The following TMEM182 variants were observed in gnomAD, a reference collection of about 807,000 sequenced individuals.
TMEM182 encodes transmembrane protein 182.
In TMEM182, 20 loss-of-function variants were observed where a neutral mutation model predicts 26.8. The ratio of observed to expected loss-of-function variants is 0.75; its 90% CI spans 0.53 to 1.09. TMEM182 has a LOEUF of 1.09. Ranked by LOEUF, TMEM182 falls within the 50% of genes least tolerant of loss-of-function variation. The probability of loss-of-function intolerance (pLI) is 0.00; values close to 1 mark genes in which losing one functional copy is unlikely to be tolerated. For missense variants in TMEM182, 277 were observed against 275.5 expected, an observed-to-expected ratio of 1.01 and a Z score of -0.04; for synonymous variants, 109 against 102.2, an observed-to-expected ratio of 1.07 and a Z score of -0.40.
At chr2:102,804,320 T>TC (rs1010682314) in intron 4 of TMEM182, among the ~76,000 whole-genome samples, 1 of 151,834 alleles carries the variant, frequency 6.6e-6, no homozygotes, top group Non-Finnish European at 1.5e-5. Flanking sequence ...CTTCTACCCT[T>TC]CCCCCCAAGT....
At chr2:102,783,646 A>G (rs1162793060) in intron 3 of TMEM182, among the ~76,000 whole-genome samples, 4 of 152,138 alleles carry the variant, frequency 2.6e-5, no homozygotes, top group African/African-American at 4.8e-5. Flanking sequence ...GTTGGGTGCA[A>G]TGGTGTGCTC....
At chr2:102,792,947 C>G (rs1055012003) in intron 3 of TMEM182, among the ~76,000 whole-genome samples, 1 of 152,170 alleles carries the variant, frequency 6.6e-6, no homozygotes, top group Admixed American at 6.5e-5. Context: ...CTGTTTCTTC[C>G]TCTGCTTCAT....
At chr2:102,841,231 C>T (rs1020655116) in intron 3 of TMEM182, among the ~76,000 whole-genome samples, 1 of 152,174 alleles carries the variant, frequency 6.6e-6, no homozygotes, top group Non-Finnish European at 1.5e-5. Flanking sequence ...GGCTGGGACT[C>T]CGGCCCAACT....
chr2:102,774,120 A>T (rs1402772226), intron 3 of TMEM182, among the ~76,000 whole-genome samples: 1 of 152,184 alleles, frequency 6.6e-6, no homozygotes, highest in Non-Finnish European at 1.5e-5. Context: ...GTATAAATCT[A>T]TGTAAATAAT....
At chr2:102,760,799 A>G (rs983752068), upstream of TMEM182, among the ~76,000 whole-genome samples, 1 of 151,982 alleles carries the variant, frequency 6.6e-6, no homozygotes, top group African/African-American at 2.4e-5. Flanking sequence ...TATTTTTAGT[A>G]GACATGGGGT....
At chr2:102,834,513 A>G (rs1460495774) in intron 3 of TMEM182, 34 of 852,594 alleles carry the variant, frequency 4.0e-5, no homozygotes, top group Non-Finnish European at 5.6e-6. Flanking sequence ...ATTTCAACAG[A>G]TATAGGTGAG....
chr2:102,776,845 G>A (rs1476490453), intron 3 of TMEM182, among the ~76,000 whole-genome samples: 1 of 152,102 alleles, frequency 6.6e-6, no homozygotes, highest in Non-Finnish European at 1.5e-5. Context: ...TTAGCCATTC[G>A]AATAGGTGTG....
rs753840754 is a variant in TMEM182 at position 102,817,094 on chromosome 2, A to G, written c.*2126A>G. ...ACATTTCTTGATCAATTTACCAGCAACCCTCTGAAGGAATGAAGGAGAGTT... is the reference window on the plus strand; with the variant it reads ...ACATTTCTTGATCAATTTACCAGCAGCCCTCTGAAGGAATGAAGGAGAGTT... On this transcript the variant is annotated 3_prime_UTR_variant, in exon 5 of 5. Transcript: ENST00000412401. The G allele has an allele frequency of 7.1e-4, 700 of 985,322 alleles. 1 individual carries two copies. Among genetic ancestry groups the G allele is most frequent in the Non-Finnish European group, 8.0e-4 (668 of 829,938 alleles). The allele number at this position is 985,322 out of a possible 1,614,324, so 61.0% of individuals were successfully genotyped here. A position where few individuals can be genotyped will look rare whatever the true frequency, so the allele number is the denominator to read the frequency against.
chr2:102,836,041 A>C (rs1683240790), intron 3 of TMEM182, among the ~76,000 whole-genome samples: 1 of 152,172 alleles, frequency 6.6e-6, no homozygotes, highest in South Asian at 2.1e-4. Context: ...TATGCATTGA[A>C]GGTTCCTCCA....
intron 1 of TMEM182, among the ~76,000 whole-genome samples, chr2:102,750,751 T>A (rs1278651096): frequency 2.6e-5 from 4 of 152,232 alleles, no homozygotes; most frequent in African/African-American, 7.2e-5. Context: ...AACCTCTGCA[T>A]GTATTTTTTA....
chr2:102,793,350 C>T (rs926331931), intron 3 of TMEM182, among the ~76,000 whole-genome samples: 2 of 152,162 alleles, frequency 1.3e-5, no homozygotes, highest in African/African-American at 4.8e-5. Context: ...AGAAAACGTT[C>T]CCATGAGAGA....
intron 1 of TMEM182, among the ~76,000 whole-genome samples, chr2:102,750,466 G>A (rs1679845664): frequency 6.6e-6 from 1 of 152,124 alleles, no homozygotes; most frequent in African/African-American, 2.4e-5. Context: ...TAAAGCAAAC[G>A]TACACCTTCC....
At chr2:102,831,056 A>G (rs1230138455) in intron 3 of TMEM182, among the ~76,000 whole-genome samples, 2 of 152,188 alleles carry the variant, frequency 1.3e-5, no homozygotes, top group Non-Finnish European at 2.9e-5. Context: ...TTTATGGCTG[A>G]AGAGTACTCC....
At chr2:102,840,640 T>C (rs958529364) in intron 3 of TMEM182, among the ~76,000 whole-genome samples, 1 of 152,102 alleles carries the variant, frequency 6.6e-6, no homozygotes, top group Non-Finnish European at 1.5e-5. Flanking sequence ...AAAAAGAACA[T>C]TTGACAGACA....
chr2:102,797,303 G>A (rs1681910442), intron 3 of TMEM182, among the ~76,000 whole-genome samples: 1 of 152,106 alleles, frequency 6.6e-6, no homozygotes, highest in Admixed American at 6.5e-5. Context: ...ATTTTTTATT[G>A]CCTTAGACTG....
At chr2:102,744,868 G>T (rs1372140208) in intron 1 of TMEM182, among the ~76,000 whole-genome samples, 1 of 152,042 alleles carries the variant, frequency 6.6e-6, no homozygotes, top group Non-Finnish European at 1.5e-5. Flanking sequence ...AATATGAGAT[G>T]CTTACATGTG....
At chr2:102,749,791 A>G (rs1478561037) in intron 1 of TMEM182, among the ~76,000 whole-genome samples, 2 of 152,268 alleles carry the variant, frequency 1.3e-5, no homozygotes, top group South Asian at 2.1e-4. Flanking sequence ...TTTCAAACAC[A>G]AACTGCCTCT....
intron 3 of TMEM182, among the ~76,000 whole-genome samples, chr2:102,788,986 G>A (rs992972159): frequency 3.3e-5 from 5 of 152,186 alleles, no homozygotes; most frequent in East Asian, 1.9e-4. Context: ...AGACCTGCCC[G>A]ACACTGCCAA....
At chr2:102,836,654 C>T (rs1573582008) in intron 3 of TMEM182, among the ~76,000 whole-genome samples, 3 of 152,138 alleles carry the variant, frequency 2.0e-5, no homozygotes, top group South Asian at 2.1e-4. Context: ...TGTTCAGAGG[C>T]GTTCTCAGTG....
Sources: allele counts gnomAD v4.1 joint callset (sites outside exome capture counted in the v4.1 genomes callset), GRCh38; gene constraint gnomAD v4.1.1; transcripts MANE v1.5; gene names NCBI Gene and HGNC (gene_info 2026-07-23, HGNC 2026-07-21).